Variants in PLS1 observed in about 807,000 individuals in gnomAD.
PLS1 encodes plastin 1.
A neutral mutation model predicts 73.7 loss-of-function variants in PLS1; 32 were observed. The observed-to-expected ratio is 0.43, with a 90% CI of 0.33 to 0.58. The LOEUF is 0.58. Ranked by LOEUF, PLS1 falls within the 20% of genes least tolerant of loss-of-function variation. PLS1 has a pLI of 0.04. For missense variants in PLS1, 633 were observed against 740.5 expected, an observed-to-expected ratio of 0.85 and a Z score of 1.68; for synonymous variants, 217 against 261.3, an observed-to-expected ratio of 0.83 and a Z score of 1.63.
At position 142,670,876 on chromosome 3, in the gene PLS1, A is replaced by G. The variant is rs982491578; in HGVS notation, c.235-117A>G. On this transcript the variant is annotated intron_variant, in intron 3 of 15. Coordinates refer to ENST00000457734, the MANE Select transcript of PLS1 (RefSeq NM_001145319.2). The stretch of plus-strand genomic sequence containing the variant: ...TTATCTGTGTATACAAGCAATAAGT[A>G]CAACTGACTAGTATTTAATTTGGTG... 7.7e-6 allele frequency: 5 copies of G among 653,030 alleles called. No homozygotes were observed. In the African/African-American group the frequency reaches 9.2e-5, roughly 12 times the overall value. 40.5% of individuals were successfully genotyped at this position (653,030 alleles called of 1,614,324 possible).
intron 1 of PLS1, among the ~76,000 whole-genome samples, chr3:142,628,913 A>G (rs993173500): frequency 7.2e-5 from 11 of 152,232 alleles, no homozygotes; most frequent in Admixed American, 2.6e-4. Flanking sequence ...CAAAAGCTGT[A>G]TAGAGTCAGA....
chr3:142,602,607 C>CT (rs1560025423), intron 1 of PLS1, among the ~76,000 whole-genome samples: 4 of 152,046 alleles, frequency 2.6e-5, no homozygotes, highest in African/African-American at 9.7e-5. Flanking sequence ...AGGCCCCCCC[C>CT]ACCCCATAGG....
At chr3:142,654,620 T>G (rs1158247954) in intron 1 of PLS1, among the ~76,000 whole-genome samples, 1 of 152,190 alleles carries the variant, frequency 6.6e-6, no homozygotes, top group African/African-American at 2.4e-5. Flanking sequence ...TCCCAAAGTG[T>G]GGGGATTACA....
intron 14 of PLS1, among the ~76,000 whole-genome samples, chr3:142,704,901 G>A (rs34485065): frequency 0.19 from 28,246 of 149,442 alleles, 3,012 homozygotes; most frequent in Middle Eastern, 0.26. Flanking sequence ...CTCGTGATCC[G>A]CCCGCCTCAG....
chr3:142,671,920 TTA>T (rs1346260510), intron 4 of PLS1, among the ~76,000 whole-genome samples: 3 of 152,162 alleles, frequency 2.0e-5, no homozygotes, highest in Non-Finnish European at 2.9e-5. Context: ...CTCTCATCTA[TTA>T]TATGTTTTTC....
chr3:142,653,032 G>A (rs939311695), intron 1 of PLS1, among the ~76,000 whole-genome samples: 44 of 152,054 alleles, frequency 2.9e-4, no homozygotes, highest in African/African-American at 1.0e-3. Context: ...TTGGGTCCGC[G>A]TCCATATTTT....
chr3:142,654,158 C>T (rs919134994), intron 1 of PLS1, among the ~76,000 whole-genome samples: 12 of 152,076 alleles, frequency 7.9e-5, no homozygotes, highest in African/African-American at 2.7e-4. Context: ...ACCATGGTGG[C>T]GGCCCGTGTG....
Position 142,625,338 on chromosome 3 carries a change from C to T in PLS1, c.-37+28829C>T, listed in dbSNP as rs975211071. Among the ~76,000 whole-genome samples the T allele has an allele frequency of 3.9e-5, 6 of 152,104 alleles. No individual in the cohort carries two copies. In the East Asian group the frequency reaches 9.6e-4, roughly 24 times the overall value. ...ATAAAAGTTTAGCTACCATTTCTGA[C>T]TATGTTCTTCTATTAGAATTGAGGT... On this transcript the variant is annotated intron_variant, in intron 1 of 15. Transcript: ENST00000457734.
chr3:142,678,230 A>G (rs185489756), intron 6 of PLS1, 117 bp downstream of exon 6: 15 of 405,538 alleles, frequency 3.7e-5, no homozygotes, highest in East Asian at 4.1e-5. Context: ...CTATTCTCCT[A>G]TAAAAACTTT....
At chr3:142,672,941 G>C (rs1205570485) in intron 4 of PLS1, among the ~76,000 whole-genome samples, 2 of 152,092 alleles carry the variant, frequency 1.3e-5, no homozygotes, top group Non-Finnish European at 2.9e-5. Context: ...TCTTCCCGAA[G>C]GCTCTGCAAC....
chr3:142,659,671 TC>T (rs1312919236), intron 1 of PLS1, among the ~76,000 whole-genome samples: 7 of 151,544 alleles, frequency 4.6e-5, no homozygotes, highest in Non-Finnish European at 1.0e-4. Flanking sequence ...TTTTCTTTTT[TC>T]TTTTTTTTTT....
intron 10 of PLS1, 40 bp downstream of exon 10, chr3:142,689,853 C>T: frequency 1.6e-6 from 2 of 1,286,562 alleles, no homozygotes; most frequent in South Asian, 2.9e-5. Flanking sequence ...CTATATTTAT[C>T]TTCTTATGGT....
intron 6 of PLS1, 77 bp downstream of exon 6, chr3:142,678,190 C>T (rs1005364601): frequency 1.6e-6 from 1 of 608,510 alleles, no homozygotes; most frequent in Non-Finnish European, 2.7e-6. Flanking sequence ...ATGCTTGGAC[C>T]CAGATAAAAC....
chr3:142,691,547 T>C (rs898837387), intron 10 of PLS1, among the ~76,000 whole-genome samples: 12 of 152,182 alleles, frequency 7.9e-5, no homozygotes, highest in African/African-American at 2.7e-4. Context: ...TGAATTCTTT[T>C]TGCTAGTGTT....
intron 1 of PLS1, among the ~76,000 whole-genome samples, chr3:142,612,736 A>C (rs2036146108): frequency 6.6e-6 from 1 of 152,146 alleles, no homozygotes; most frequent in Admixed American, 6.5e-5. Flanking sequence ...AAAGAAAAAA[A>C]AAATCCCTTA....
intron 1 of PLS1, among the ~76,000 whole-genome samples, chr3:142,643,485 C>T (rs749888069): frequency 1.3e-5 from 2 of 152,158 alleles, no homozygotes; most frequent in Non-Finnish European, 2.9e-5. Flanking sequence ...CAGATAAGAG[C>T]CAAATACTGG....
At chr3:142,657,352 C>G (rs1293941303) in intron 1 of PLS1, among the ~76,000 whole-genome samples, 2 of 152,184 alleles carry the variant, frequency 1.3e-5, no homozygotes, top group African/African-American at 4.8e-5. Flanking sequence ...GCCAGGACAT[C>G]CAACCTAAGT....
intron 6 of PLS1, among the ~76,000 whole-genome samples, chr3:142,682,612 TC>T (rs1018383466): frequency 6.6e-6 from 1 of 152,210 alleles, no homozygotes; most frequent in Non-Finnish European, 1.5e-5. Flanking sequence ...TAATTTTCAG[TC>T]CAGTTCTTTC....
chr3:142,683,999 A>C lies in PLS1; in HGVS notation c.580-7A>C. 1 of 1,579,846 alleles carries C rather than the reference A, an allele frequency of 6.3e-7. No homozygotes were observed. The highest frequency in any genetic ancestry group is 1.2e-5 in the South Asian group (1 of 85,420). On this transcript the variant is annotated splice_region_variant and splice_polypyrimidine_tract_variant and intron_variant, in intron 6 of 15. Transcript: ENST00000457734. The stretch of plus-strand genomic sequence containing the variant: ...CCTCATGTGTACTTTTTTTTTTGGC[A>C]ATTCAGGAAAATTTAAACCTAGCTC...
Sources: gnomAD v4.1 joint callset for allele counts (sites outside exome capture counted in the v4.1 genomes callset) on GRCh38, gnomAD v4.1.1 for gene constraint, MANE v1.5 for transcripts, NCBI Gene and HGNC (gene_info 2026-07-23, HGNC 2026-07-21) for gene names.